Variants in KTN1 observed in about 807,000 individuals in gnomAD.
KTN1 encodes kinectin 1, also known as kinectin.
A neutral mutation model predicts 222.5 loss-of-function variants in KTN1; 130 were observed. The ratio of observed to expected loss-of-function variants is 0.58; its 90% CI spans 0.51 to 0.68. KTN1 has a LOEUF of 0.68. Ranked by LOEUF, KTN1 falls within the 30% of genes least tolerant of loss-of-function variation. The pLI is 0.00. For synonymous variants in KTN1, 512 were observed against 496.3 expected (o/e 1.03, Z -0.42); for missense variants, 1,508 against 1,500.4 (o/e 1.01, Z -0.08).
chr14:55,627,671 G>T (rs1429221485), intron 5 of KTN1, among the ~76,000 whole-genome samples: 3 of 152,026 alleles, frequency 2.0e-5, no homozygotes, highest in Non-Finnish European at 4.4e-5. Context: ...GTGTCCATGT[G>T]TTCTCATTGT....
intron 5 of KTN1, among the ~76,000 whole-genome samples, chr14:55,626,903 G>C (rs1188246820): frequency 6.6e-6 from 1 of 151,188 alleles, no homozygotes; most frequent in Non-Finnish European, 1.5e-5. Flanking sequence ...CTTCTTCCAA[G>C]AAAGTTCCTG....
rs56190231 is a variant in KTN1 at position 55,631,341 on chromosome 14, GATATATATAT to G, written c.1221+1263_1221+1272del. ...CTAAAACTCACCTATTGATAAGGTT[GATATATATAT>G]ATATATATATATATATATGTATTTT... On this transcript the variant is annotated intron_variant, in intron 7 of 43. Transcript: ENST00000395314. 7.2e-4 allele frequency among the ~76,000 whole-genome samples: 83 copies of G among 114,708 alleles called. 3 individuals are homozygous for G. The highest frequency in any genetic ancestry group is 2.1e-3 in the African/African-American group (58 of 27,518). 75.3% of individuals were successfully genotyped at this position (114,708 alleles called of 152,430 possible).
intron 13 of KTN1, 38 bp downstream of exon 13, chr14:55,639,260 C>T: frequency 7.0e-7 from 1 of 1,422,352 alleles, no homozygotes; most frequent in Non-Finnish European, 9.9e-7. Context: ...ATTGTGTAGT[C>T]ACCACTAACT....
intron 1 of KTN1, among the ~76,000 whole-genome samples, chr14:55,606,596 G>C (rs1452841590): frequency 6.6e-6 from 1 of 150,550 alleles, no homozygotes; most frequent in East Asian, 1.9e-4. Context: ...AAACACTATA[G>C]TAAAAAATAT....
rs748147302 is a variant in KTN1 at position 55,618,049 on chromosome 14, AGAG to A, written c.749_751del (p.Glu250del). The stretch of plus-strand genomic sequence containing the variant: ...ACTCAAGTCCTGTGGTAGATAAGAG[AGAG>A]GTTATTGATTTGCTTAAACCTGACC... On this transcript the variant is annotated inframe_deletion, in exon 4 of 44. Transcript: ENST00000395314. The A allele has an allele frequency of 2.9e-5, 47 of 1,612,886 alleles. No individual in the cohort carries two copies. The East Asian group carries it at 1.0e-3, about 34-fold the overall frequency.
At chr14:55,594,982 G>A (rs1397173265) in intron 1 of KTN1, among the ~76,000 whole-genome samples, 1 of 152,176 alleles carries the variant, frequency 6.6e-6, no homozygotes, top group Non-Finnish European at 1.5e-5. Flanking sequence ...CTGCACTTAA[G>A]TTGTCTGCAC....
intron 41 of KTN1, 100 bp downstream of exon 41, chr14:55,676,018 A>C: frequency 2.7e-6 from 2 of 743,382 alleles, no homozygotes; most frequent in Admixed American, 2.6e-5. Flanking sequence ...GTTGTTTTGC[A>C]TCATAATATT....
intron 22 of KTN1, among the ~76,000 whole-genome samples, chr14:55,650,040 A>G (rs1414682930): frequency 6.6e-6 from 1 of 151,698 alleles, no homozygotes; most frequent in Non-Finnish European, 1.5e-5. Context: ...GATGGGAGTC[A>G]GTATAGTTGA....
intron 7 of KTN1, among the ~76,000 whole-genome samples, chr14:55,631,341 G>GAGATAGATAGATATATATATATATAT (rs71448461): frequency 8.7e-6 from 1 of 114,718 alleles, no homozygotes; most frequent in Non-Finnish European, 1.7e-5. Flanking sequence ...TGATAAGGTT[G>GAGATAGATAGATATATATATATATAT]ATATATATAT....
intron 34 of KTN1, among the ~76,000 whole-genome samples, 162 bp from the exon 35 acceptor site, chr14:55,670,567 T>C (rs533243598): frequency 2.6e-5 from 4 of 152,096 alleles, no homozygotes; most frequent in South Asian, 2.1e-4. Context: ...GTCCAACTTA[T>C]GCAGTAGTTA....
At chr14:55,601,512 G>A (rs1278783838) in intron 1 of KTN1, among the ~76,000 whole-genome samples, 1 of 152,144 alleles carries the variant, frequency 6.6e-6, no homozygotes, top group Admixed American at 6.5e-5. Context: ...TGTAGTGACT[G>A]AGTAGGACAA....
chr14:55,632,530 C>CA (rs1266077089), intron 7 of KTN1, among the ~76,000 whole-genome samples: 1 of 151,686 alleles, frequency 6.6e-6, no homozygotes, highest in Non-Finnish European at 1.5e-5. Flanking sequence ...CCAGGGGCTG[C>CA]AGGGAGAGGA....
chr14:55,615,498 A>G (rs1233434090), intron 2 of KTN1, among the ~76,000 whole-genome samples: 7 of 152,056 alleles, frequency 4.6e-5, no homozygotes, highest in South Asian at 2.1e-4. Flanking sequence ...TGTCACTGCC[A>G]TATTTTACTT....
chr14:55,662,224 A>T (rs1433878533), intron 32 of KTN1, among the ~76,000 whole-genome samples: 1 of 151,316 alleles, frequency 6.6e-6, no homozygotes, highest in Non-Finnish European at 1.5e-5. Context: ...GCACCACCAT[A>T]CTCAGCTAAT....
At chr14:55,620,048 C>T (rs533376705) in intron 5 of KTN1, among the ~76,000 whole-genome samples, 1 of 152,324 alleles carries the variant, frequency 6.6e-6, no homozygotes, top group Non-Finnish European at 1.5e-5. Flanking sequence ...AATACAGCCA[C>T]TCCAAATGGG....
intron 1 of KTN1, among the ~76,000 whole-genome samples, chr14:55,593,926 T>C (rs1488028343): frequency 6.6e-6 from 1 of 152,048 alleles, no homozygotes; most frequent in African/African-American, 2.4e-5. Flanking sequence ...TGTTCTGTTT[T>C]GTTGCTGTTA....
intron 1 of KTN1, among the ~76,000 whole-genome samples, chr14:55,588,490 T>G (rs1321227219): frequency 6.6e-6 from 1 of 152,200 alleles, no homozygotes; most frequent in African/African-American, 2.4e-5. Flanking sequence ...CTAAAAATGA[T>G]GAAAAATATG....
chr14:55,596,801 CT>C (rs553227535), intron 1 of KTN1, among the ~76,000 whole-genome samples: 4,964 of 140,804 alleles, frequency 0.035, 103 homozygotes, highest in Middle Eastern at 0.12. Flanking sequence ...AGAATAGAAC[CT>C]TTTTTTTTTT....
At chr14:55,631,115 A>G (rs930360538) in intron 7 of KTN1, among the ~76,000 whole-genome samples, 4 of 149,710 alleles carry the variant, frequency 2.7e-5, no homozygotes, top group African/African-American at 9.8e-5. Context: ...TTTTTTTCTT[A>G]TTTTTGAAAA....
Sources: allele counts gnomAD v4.1 joint callset (sites outside exome capture counted in the v4.1 genomes callset), GRCh38; gene constraint gnomAD v4.1.1; transcripts MANE v1.5; gene names NCBI Gene and HGNC (gene_info 2026-07-23, HGNC 2026-07-21).